Variants in SORCS2 observed in about 807,000 individuals in gnomAD.
The protein encoded by SORCS2 is VPS10 domain-containing receptor SorCS2.
In SORCS2, 100 loss-of-function variants were observed where a neutral mutation model predicts 141.6. That is an observed-to-expected ratio of 0.71 (90% confidence interval 0.60 to 0.83). The LOEUF is 0.83. SORCS2 is among the 40% of genes least tolerant of loss of function. The probability of loss-of-function intolerance (pLI) is 0.00; values close to 1 mark genes in which losing one functional copy is unlikely to be tolerated. For missense variants in SORCS2, 1,646 were observed against 1,560.2 expected (o/e 1.05, Z -0.93); for synonymous variants, 789 against 676.9 (o/e 1.17, Z -2.57).
chr4:7,642,037 G>A (rs1720785035), intron 4 of SORCS2, among the ~76,000 whole-genome samples: 1 of 152,102 alleles, frequency 6.6e-6, no homozygotes, highest in Non-Finnish European at 1.5e-5. Context: ...GGATGGATGG[G>A]TGGGTGGTGG....
chr4:7,397,308 C>T (rs1290631953), intron 2 of SORCS2, among the ~76,000 whole-genome samples: 1 of 152,142 alleles, frequency 6.6e-6, no homozygotes. Flanking sequence ...GAGTTGGGTT[C>T]TTTCTTTGTG....
intron 1 of SORCS2, among the ~76,000 whole-genome samples, chr4:7,348,869 A>T (rs1720784172): frequency 6.6e-6 from 1 of 152,172 alleles, no homozygotes; most frequent in Admixed American, 6.5e-5. Flanking sequence ...TGTGTTTTTA[A>T]TGGCTGTGTT....
At chr4:7,579,249 T>A (rs1483446615) in intron 3 of SORCS2, among the ~76,000 whole-genome samples, 1 of 152,230 alleles carries the variant, frequency 6.6e-6, no homozygotes, top group Non-Finnish European at 1.5e-5. Context: ...ATCATTTTAA[T>A]ATATATTTGT....
At chr4:7,665,024 C>T (rs1234274451) in intron 7 of SORCS2, among the ~76,000 whole-genome samples, 8 of 152,178 alleles carry the variant, frequency 5.3e-5, no homozygotes, top group African/African-American at 1.9e-4. Flanking sequence ...CTGAGTAGCC[C>T]GTCACTGGCC....
chr4:7,298,570 C>T (rs1448999376), intron 1 of SORCS2, among the ~76,000 whole-genome samples: 1 of 152,166 alleles, frequency 6.6e-6, no homozygotes, highest in East Asian at 1.9e-4. Flanking sequence ...TTTCTTGGAG[C>T]CACTGGCGGC....
chr4:7,402,111 G>C (rs1331579131), intron 2 of SORCS2, among the ~76,000 whole-genome samples: 1 of 152,126 alleles, frequency 6.6e-6, no homozygotes, highest in African/African-American at 2.4e-5. Flanking sequence ...TTGAAATTTA[G>C]GGCTTCAGTT....
intron 1 of SORCS2, among the ~76,000 whole-genome samples, chr4:7,385,757 C>T (rs1248912941): frequency 6.6e-6 from 1 of 152,230 alleles, no homozygotes; most frequent in African/African-American, 2.4e-5. Context: ...AACACTGATC[C>T]AACCTTTGTT....
chr4:7,292,453 C>T (rs372090494), intron 1 of SORCS2, among the ~76,000 whole-genome samples: 3 of 152,178 alleles, frequency 2.0e-5, no homozygotes, highest in Non-Finnish European at 2.9e-5. Flanking sequence ...TGGTGTGGAT[C>T]GTGGTGGTGG....
intron 1 of SORCS2, among the ~76,000 whole-genome samples, chr4:7,293,215 A>G (rs1188893051): frequency 6.6e-6 from 1 of 151,934 alleles, no homozygotes; most frequent in East Asian, 1.9e-4. Flanking sequence ...AAGGCAGGAG[A>G]ATGGCGTGAA....
intron 5 of SORCS2, among the ~76,000 whole-genome samples, chr4:7,657,435 AC>A (rs1281658632): frequency 6.6e-6 from 1 of 152,114 alleles, no homozygotes; most frequent in African/African-American, 2.4e-5. Flanking sequence ...CGAGTGAATG[AC>A]TGAGTGGTGA....
rs1486790377 is a variant in SORCS2 at position 7,354,397 on chromosome 4, A to G, written c.481-41891A>G. On this transcript the variant is annotated intron_variant, in intron 1 of 26. Coordinates refer to ENST00000507866, the MANE Select transcript of SORCS2 (RefSeq NM_020777.3). ...CTCAGCCCCCTGGCTTTCTCCCCCA[A>G]GAAAGACCCCCCACCACCAAATACA... Among the ~76,000 whole-genome samples, 6 of 151,054 alleles carry G rather than the reference A, an allele frequency of 4.0e-5. No homozygotes were observed. In the East Asian group the frequency reaches 1.2e-3, roughly 30 times the overall value.
intron 1 of SORCS2, among the ~76,000 whole-genome samples, chr4:7,272,317 T>C (rs1186787726): frequency 6.6e-6 from 1 of 152,232 alleles, no homozygotes; most frequent in Non-Finnish European, 1.5e-5. Context: ...CTAAAAACTC[T>C]CTTGGATGCA....
chr4:7,581,784 C>G (rs901802535), intron 3 of SORCS2, among the ~76,000 whole-genome samples: 1 of 152,204 alleles, frequency 6.6e-6, no homozygotes. Context: ...CGTCCAGAGT[C>G]TGGATGCTAG....
intron 2 of SORCS2, among the ~76,000 whole-genome samples, chr4:7,492,946 C>T (rs1731401077): frequency 6.6e-6 from 1 of 152,152 alleles, no homozygotes; most frequent in Non-Finnish European, 1.5e-5. Flanking sequence ...CCCCCAAATA[C>T]ATAATTGCTC....
At chr4:7,599,316 C>T (rs1181955539) in intron 3 of SORCS2, among the ~76,000 whole-genome samples, 1 of 152,156 alleles carries the variant, frequency 6.6e-6, no homozygotes, top group Non-Finnish European at 1.5e-5. Context: ...CGGGTGAGGA[C>T]TGAAGTGGCG....
intron 14 of SORCS2, among the ~76,000 whole-genome samples, chr4:7,710,492 A>G (rs1725758050): frequency 6.6e-6 from 1 of 152,318 alleles, no homozygotes; most frequent in East Asian, 1.9e-4. Context: ...AGGGATCCAG[A>G]AGTTTCCCCT....
At chr4:7,373,478 A>ATATATATATTTTTTTTTTT (rs1470691140) in intron 1 of SORCS2, among the ~76,000 whole-genome samples, 1 of 36,824 alleles carries the variant, frequency 2.7e-5, no homozygotes, top group African/African-American at 1.6e-4. Flanking sequence ...ATATATATAT[A>ATATATATATTTTTTTTTTT]TTTTTTTTTT....
At chr4:7,399,115 T>C (rs1378354640) in intron 2 of SORCS2, among the ~76,000 whole-genome samples, 2 of 152,214 alleles carry the variant, frequency 1.3e-5, no homozygotes. Flanking sequence ...TTTTAATTAC[T>C]ACTCACATTT....
At chr4:7,548,978 A>G (rs752564470) in intron 3 of SORCS2, among the ~76,000 whole-genome samples, 39 of 152,138 alleles carry the variant, frequency 2.6e-4, no homozygotes, top group Non-Finnish European at 5.3e-4. Flanking sequence ...TGATGCTCTC[A>G]TTGGCTGGGC....
Sources: allele counts gnomAD v4.1 joint callset (sites outside exome capture counted in the v4.1 genomes callset), GRCh38; gene constraint gnomAD v4.1.1; transcripts MANE v1.5; gene names NCBI Gene and HGNC (gene_info 2026-07-23, HGNC 2026-07-21).